Variants in EXOC4 observed in about 807,000 individuals in gnomAD.
The protein encoded by EXOC4 is exocyst complex component 4.
EXOC4 carries 71 observed loss-of-function variants against 107.2 expected under a neutral mutation model. The ratio of observed to expected loss-of-function variants is 0.66; its 90% CI spans 0.55 to 0.81. The LOEUF (loss-of-function observed/expected upper bound fraction) is 0.81, where lower values mean the gene tolerates loss of function less well. Ranked by LOEUF, EXOC4 falls within the 30% of genes least tolerant of loss-of-function variation. EXOC4 has a pLI of 0.00. For synonymous variants in EXOC4, 456 were observed against 441.2 expected, an observed-to-expected ratio of 1.03 and a Z score of -0.42; for missense variants, 1,108 against 1,189.6, an observed-to-expected ratio of 0.93 and a Z score of 1.01.
chr7:134,038,771 CACTT>C (rs1795450616), intron 17 of EXOC4, among the ~76,000 whole-genome samples: 1 of 152,174 alleles, frequency 6.6e-6, no homozygotes, highest in Non-Finnish European at 1.5e-5. Flanking sequence ...CAGTCTGTGT[CACTT>C]ACCATTGGCA....
chr7:133,319,483 TTTTATTTATTTA>T (rs953832879), intron 5 of EXOC4, among the ~76,000 whole-genome samples: 1 of 152,032 alleles, frequency 6.6e-6, no homozygotes, highest in African/African-American at 2.4e-5. Flanking sequence ...TGTATAAACC[TTTTATTTATTTA>T]TTTATTTATT....
chr7:133,793,614 G>A (rs1399825187), intron 10 of EXOC4, among the ~76,000 whole-genome samples: 1 of 152,154 alleles, frequency 6.6e-6, no homozygotes, highest in Non-Finnish European at 1.5e-5. Flanking sequence ...GGAGGCCAAG[G>A]TGGACGGATC....
chr7:133,633,342 A>G (rs1002366104), intron 10 of EXOC4, among the ~76,000 whole-genome samples: 1 of 152,162 alleles, frequency 6.6e-6, no homozygotes, highest in Non-Finnish European at 1.5e-5. Flanking sequence ...ACTGACTCAT[A>G]TTATTTTTCT....
intron 14 of EXOC4, among the ~76,000 whole-genome samples, chr7:133,942,537 T>C (rs1047143901): frequency 1.3e-5 from 2 of 152,170 alleles, no homozygotes; most frequent in Non-Finnish European, 2.9e-5. Flanking sequence ...GTTAGGTATC[T>C]TAGAAATCAT....
At chr7:133,975,745 G>GCA (rs57377025) in intron 14 of EXOC4, among the ~76,000 whole-genome samples, 2,286 of 150,092 alleles carry the variant, frequency 0.015, 34 homozygotes, top group African/African-American at 0.039. Context: ...AAATGCGTGT[G>GCA]CACACACACA....
At chr7:134,046,256 C>T (rs924283596) in intron 17 of EXOC4, among the ~76,000 whole-genome samples, 1 of 152,040 alleles carries the variant, frequency 6.6e-6, no homozygotes, top group Non-Finnish European at 1.5e-5. Context: ...CTGAGACAGG[C>T]GGATCGCTTG....
At chr7:133,343,768 G>A (rs1238454907) in intron 5 of EXOC4, among the ~76,000 whole-genome samples, 1 of 151,058 alleles carries the variant, frequency 6.6e-6, no homozygotes, top group East Asian at 1.9e-4. Flanking sequence ...TTTCCTCAGT[G>A]CTTCCTATGA....
intron 10 of EXOC4, among the ~76,000 whole-genome samples, chr7:133,699,654 A>G (rs2151085675): frequency 6.6e-6 from 1 of 152,262 alleles, no homozygotes. Context: ...AACATGCATG[A>G]GGGCCTGTCT....
At position 133,484,288 on chromosome 7, in the gene EXOC4, G is replaced by A. The variant is rs1799224675; in HGVS notation, c.1417+4150G>A. ...TTATATAGTCTGCTGTTGGCAGTTGGGCTGCGGAGATGTGGGTGCTGCTTC... is the reference window on the plus strand; with the variant it reads ...TTATATAGTCTGCTGTTGGCAGTTGAGCTGCGGAGATGTGGGTGCTGCTTC... On this transcript the variant is annotated intron_variant, in intron 9 of 17. Transcript: ENST00000253861. 5.9e-6 allele frequency: 6 copies of A among 1,016,972 alleles called. No individual in the cohort carries two copies. The Admixed American group carries it at 1.3e-4, about 21-fold the overall frequency. The allele number at this position is 1,016,972 out of a possible 1,614,324, so 63.0% of individuals were successfully genotyped here.
chr7:133,273,292 G>A (rs1326919477), intron 1 of EXOC4, among the ~76,000 whole-genome samples: 1 of 152,136 alleles, frequency 6.6e-6, no homozygotes. Flanking sequence ...GCCCAGTTTC[G>A]TTTACATTCT....
intron 10 of EXOC4, among the ~76,000 whole-genome samples, chr7:133,754,955 G>A (rs995079439): frequency 7.2e-5 from 11 of 151,866 alleles, no homozygotes; most frequent in East Asian, 2.0e-4. Context: ...CAGTGAATGC[G>A]TATTGATGAT....
intron 10 of EXOC4, among the ~76,000 whole-genome samples, chr7:133,642,881 A>G (rs75583320): frequency 3.9e-5 from 6 of 152,324 alleles, no homozygotes; most frequent in Non-Finnish European, 7.3e-5. Context: ...CCAAAAATGC[A>G]TCTACCAACA....
intron 9 of EXOC4, among the ~76,000 whole-genome samples, chr7:133,528,326 A>G (rs1434141649): frequency 6.6e-6 from 1 of 152,206 alleles, no homozygotes; most frequent in East Asian, 1.9e-4. Flanking sequence ...GTCTTAGGAA[A>G]TATGGGGGTC....
At chr7:133,525,011 T>C (rs1014865546) in intron 9 of EXOC4, among the ~76,000 whole-genome samples, 1 of 152,204 alleles carries the variant, frequency 6.6e-6, no homozygotes, top group Non-Finnish European at 1.5e-5. Flanking sequence ...TACTCTATTG[T>C]CAGTGCATTT....
At chr7:133,588,726 C>G (rs1221763467) in intron 9 of EXOC4, among the ~76,000 whole-genome samples, 1 of 152,084 alleles carries the variant, frequency 6.6e-6, no homozygotes, top group Non-Finnish European at 1.5e-5. Flanking sequence ...AACCCTGTCT[C>G]TACTAAAAAT....
chr7:133,956,752 A>T (rs2971963), intron 14 of EXOC4, among the ~76,000 whole-genome samples: 1 of 151,958 alleles, frequency 6.6e-6, no homozygotes, highest in Non-Finnish European at 1.5e-5. Flanking sequence ...CCTATCAGTC[A>T]GTGTAAGCTA....
chr7:133,996,654 C>G (rs1436000238), intron 14 of EXOC4, among the ~76,000 whole-genome samples: 10 of 152,086 alleles, frequency 6.6e-5, no homozygotes, highest in Non-Finnish European at 1.5e-4. Flanking sequence ...CTACCACTTC[C>G]ACCTCCCAGA....
At chr7:133,507,877 C>T (rs1219191722) in intron 9 of EXOC4, among the ~76,000 whole-genome samples, 1 of 152,074 alleles carries the variant, frequency 6.6e-6, no homozygotes, top group East Asian at 1.9e-4. Flanking sequence ...GCTGTGCCAG[C>T]ATGGTGAAAC....
At chr7:133,255,443 G>A (rs1006349114) in intron 1 of EXOC4, among the ~76,000 whole-genome samples, 1 of 152,134 alleles carries the variant, frequency 6.6e-6, no homozygotes. Flanking sequence ...CCAAAATGCT[G>A]GGATTACAGG....
Sources: allele counts gnomAD v4.1 joint callset (sites outside exome capture counted in the v4.1 genomes callset), GRCh38; gene constraint gnomAD v4.1.1; transcripts MANE v1.5; gene names NCBI Gene and HGNC (gene_info 2026-07-23, HGNC 2026-07-21).